DOCK8: variants seen among roughly 807,000 people sequenced by gnomAD.
DOCK8 encodes dedicator of cytokinesis 8.
DOCK8 carries 141 observed loss-of-function variants against 245.6 expected under a neutral mutation model. The ratio of observed to expected loss-of-function variants is 0.57; its 90% CI spans 0.50 to 0.66. The LOEUF (loss-of-function observed/expected upper bound fraction) is 0.66. Ranked by LOEUF, DOCK8 falls within the 30% of genes least tolerant of loss-of-function variation. DOCK8 has a pLI of 0.00. For synonymous variants in DOCK8, 1,168 were observed against 970.2 expected (o/e 1.20, Z -3.79); for missense variants, 2,965 against 2,603.4 (o/e 1.14, Z -3.02).
At chr9:331,127 C>G (rs557377585) in intron 9 of DOCK8, among the ~76,000 whole-genome samples, 1 of 152,328 alleles carries the variant, frequency 6.6e-6, no homozygotes, top group South Asian at 2.1e-4. Context: ...GTTCTACAAG[C>G]TCCTGACTAT....
intron 1 of DOCK8, among the ~76,000 whole-genome samples, chr9:254,544 G>A (rs762594860): frequency 6.6e-6 from 1 of 151,900 alleles, no homozygotes; most frequent in Non-Finnish European, 1.5e-5. Context: ...TAAATCTAAA[G>A]TGCCTTGAAA....
intron 46 of DOCK8, among the ~76,000 whole-genome samples, chr9:463,190 G>C (rs1007259691): frequency 3.9e-5 from 6 of 151,918 alleles, no homozygotes; most frequent in Admixed American, 3.3e-4. Context: ...CCAGGAGGTC[G>C]AAGTTTGCCA....
chr9:362,820 T>G (rs1366200123), intron 14 of DOCK8, among the ~76,000 whole-genome samples: 1 of 152,252 alleles, frequency 6.6e-6, no homozygotes, highest in Non-Finnish European at 1.5e-5. Context: ...TTGCACCAGA[T>G]GAAGAGTAGG....
chr9:342,525 A>G (rs1296169980), intron 14 of DOCK8, among the ~76,000 whole-genome samples: 1 of 151,286 alleles, frequency 6.6e-6, no homozygotes, highest in Admixed American at 6.6e-5. Flanking sequence ...GCTGGAGTGC[A>G]GTGACATGAT....
At chr9:428,284 A>G in intron 34 of DOCK8, 78 bp from the exon 35 acceptor site, 1 of 1,608,376 alleles carries the variant, frequency 6.2e-7, no homozygotes, top group East Asian at 2.2e-5. Flanking sequence ...CATCAGCATT[A>G]CTGAGCTAAT....
intron 33 of DOCK8, among the ~76,000 whole-genome samples, chr9:425,266 C>T (rs555786350): frequency 6.6e-6 from 1 of 152,280 alleles, no homozygotes; most frequent in South Asian, 2.1e-4. Context: ...GGCACAGTGG[C>T]TCACACCTGT....
At position 238,207 on chromosome 9, in the gene DOCK8, T is replaced by A. The variant is rs1004605158; in HGVS notation, c.53+23178T>A. ...ACAGAAAGCAGGGCAGACCTTTGAGTCTGAGTTTGGGGATACAAGTTTGAT... is the reference window on the plus strand; with the variant it reads ...ACAGAAAGCAGGGCAGACCTTTGAGACTGAGTTTGGGGATACAAGTTTGAT... On this transcript the variant is annotated intron_variant, in intron 1 of 47. Transcript: ENST00000432829. 1.6e-4 allele frequency among the ~76,000 whole-genome samples: 24 copies of A among 152,272 alleles called. No individual in the cohort carries two copies. In the Middle Eastern group the frequency reaches 0.017, roughly 108 times the overall value.
chr9:374,013 A>C (rs1279959937), intron 18 of DOCK8, among the ~76,000 whole-genome samples: 1 of 152,160 alleles, frequency 6.6e-6, no homozygotes, highest in Non-Finnish European at 1.5e-5. Context: ...TAGCTGTGTG[A>C]ATGTTGGTGA....
intron 39 of DOCK8, among the ~76,000 whole-genome samples, chr9:435,415 C>T (rs1481353850): frequency 2.0e-5 from 3 of 152,140 alleles, no homozygotes; most frequent in Admixed American, 6.5e-5. Flanking sequence ...GTAGGGAAGG[C>T]GGTTATTATT....
chr9:395,872 T>A (rs1201100907), intron 24 of DOCK8, among the ~76,000 whole-genome samples: 1 of 152,198 alleles, frequency 6.6e-6, no homozygotes, highest in African/African-American at 2.4e-5. Context: ...TATATATAGA[T>A]ACGATATGTA....
At chr9:339,271 TG>T (rs1461028118) in intron 13 of DOCK8, among the ~76,000 whole-genome samples, 172 bp downstream of exon 13, 5 of 152,262 alleles carry the variant, frequency 3.3e-5, no homozygotes, top group Admixed American at 1.3e-4. Flanking sequence ...AACCTATTAA[TG>T]TTTTTTTAAT....
intron 22 of DOCK8, among the ~76,000 whole-genome samples, chr9:386,070 G>C (rs2053937204): frequency 6.6e-6 from 1 of 152,086 alleles, no homozygotes; most frequent in African/African-American, 2.4e-5. Context: ...GGACTACTCA[G>C]CAGCCCAGAT....
At chr9:414,986 G>T (rs376624595) in intron 29 of DOCK8, 35 bp downstream of exon 29, 1 of 1,611,242 alleles carries the variant, frequency 6.2e-7, no homozygotes, top group Middle Eastern at 2.2e-4. Context: ...TTGGATTGTT[G>T]GGGGCCCCTG....
chr9:301,277 A>T (rs952615881), intron 4 of DOCK8, among the ~76,000 whole-genome samples: 5 of 152,230 alleles, frequency 3.3e-5, no homozygotes, highest in Admixed American at 3.3e-4. Flanking sequence ...AAAGGCTTTT[A>T]ACAAAATTCA....
intron 1 of DOCK8, among the ~76,000 whole-genome samples, chr9:233,976 A>G (rs1434587884): frequency 1.3e-5 from 2 of 152,126 alleles, no homozygotes; most frequent in East Asian, 3.8e-4. Flanking sequence ...TAGTTGATGC[A>G]GTTTCTTCCT....
At chr9:417,111 A>T (rs1455714227) in intron 29 of DOCK8, among the ~76,000 whole-genome samples, 1 of 152,196 alleles carries the variant, frequency 6.6e-6, no homozygotes, top group Non-Finnish European at 1.5e-5. Context: ...CCTGGCCAAC[A>T]TGGCGAAACC....
intron 27 of DOCK8, 44 bp downstream of exon 27, chr9:405,117 T>C (rs777787388): frequency 6.4e-7 from 1 of 1,556,086 alleles, no homozygotes; most frequent in South Asian, 1.1e-5. Context: ...TCAAGCTATT[T>C]CATTTAACTA....
intron 14 of DOCK8, among the ~76,000 whole-genome samples, chr9:351,788 T>G (rs1041929725): frequency 2.6e-5 from 4 of 152,190 alleles, no homozygotes; most frequent in Non-Finnish European, 5.9e-5. Context: ...AAAGATGTCA[T>G]GGCAACAGTC....
At chr9:277,820 T>C (rs945478527) in intron 2 of DOCK8, among the ~76,000 whole-genome samples, 10 of 152,204 alleles carry the variant, frequency 6.6e-5, no homozygotes, top group African/African-American at 2.4e-4. Flanking sequence ...GGCATGTTTG[T>C]ATATGTAACA....
Sources: gnomAD v4.1 joint callset for allele counts (sites outside exome capture counted in the v4.1 genomes callset) on GRCh38, gnomAD v4.1.1 for gene constraint, MANE v1.5 for transcripts, NCBI Gene and HGNC (gene_info 2026-07-23, HGNC 2026-07-21) for gene names.